Variants in MYO15A observed in about 807,000 individuals in gnomAD.
MYO15A encodes myosin XVA, also known as unconventional myosin-XV.
In MYO15A, 308 loss-of-function variants were observed where a neutral mutation model predicts 394.6. The ratio of observed to expected loss-of-function variants is 0.78; its 90% CI spans 0.71 to 0.86. The LOEUF (loss-of-function observed/expected upper bound fraction) is 0.86. MYO15A is among the 40% of genes least tolerant of loss of function. The probability of loss-of-function intolerance (pLI) is 0.00; values close to 1 mark genes in which losing one functional copy is unlikely to be tolerated. For missense variants in MYO15A, 4,606 were observed against 4,799.1 expected (o/e 0.96, Z 1.19); for synonymous variants, 1,957 against 2,003.8 (o/e 0.98, Z 0.62).
rs377316809 is a variant in MYO15A at position 18,131,495 on chromosome 17, C to T, written c.4170C>T (p.Ser1390=). The change falls in exon 10 of 66, where the codon TCC becomes TCT. Residue 1390 remains serine, a synonymous_variant. Coordinates refer to ENST00000647165, the MANE Select transcript of MYO15A (RefSeq NM_016239.4). ...EGGVISGAIT[S]QYLLEKSRIV... is the part of the protein sequence containing the mutation. Reference sequence around the variant, plus strand: ...GCGTGATCTCTGGTGCCATAACCTCCCAGTACCTGCTTGAGAAATCCAGGA... The same window carrying T: ...GCGTGATCTCTGGTGCCATAACCTCTCAGTACCTGCTTGAGAAATCCAGGA... The T allele has an allele frequency of 1.9e-6, 3 of 1,613,874 alleles. No individual in the cohort carries two copies. Among genetic ancestry groups the T allele is most frequent in the Middle Eastern group, 3.3e-4 (2 of 6,084 alleles).
intron 62 of MYO15A, among the ~76,000 whole-genome samples, chr17:18,169,157 T>TAATAAAAA (rs369888022): frequency 2.2e-5 from 2 of 92,132 alleles, no homozygotes; most frequent in African/African-American, 8.3e-5. Context: ...ATAATAATAA[T>TAATAAAAA]AAAAATAGGC....
In MYO15A at chr17:18,138,137, T is replaced by G; in HGVS notation, c.4898T>G (p.Ile1633Arg). The change falls in exon 17 of 66, where the codon ATA becomes AGA. Residue 1633 changes from isoleucine to arginine, a missense_variant. This residue lies in a region of MYO15A where 2,776 missense variants were observed against 3,109.3 expected (regional missense o/e 0.89). Transcript: ENST00000647165. ...CAGGAGGAGTACATCCGTGAGCAGA[T>G]AGACTGGCAGGAGATCACCTTTGCT... ...EEQEEYIREQ[I>R]DWQEITFADN... 1 of 1,612,930 alleles carries G rather than the reference T, an allele frequency of 6.2e-7. No individual in the cohort carries two copies.
At chr17:18,152,552 C>T (rs1193873155) in intron 42 of MYO15A, among the ~76,000 whole-genome samples, 1 of 152,194 alleles carries the variant, frequency 6.6e-6, no homozygotes, top group African/African-American at 2.4e-5. Flanking sequence ...CTAACCTCTA[C>T]ACCCTTTGTC....
chr17:18,160,011 C>G lies in MYO15A; in HGVS notation c.9380C>G (p.Ser3127Cys), dbSNP rs376759267. The G allele has an allele frequency of 5.1e-5, 82 of 1,611,208 alleles. No individual in the cohort carries two copies. Among genetic ancestry groups the G allele is most frequent in the Non-Finnish European group, 6.7e-5 (79 of 1,179,976 alleles). Residue 3127 changes from serine (S) to cysteine (C), a missense_variant, in exon 56 of 66, where the codon TCC (serine) becomes TGC (cysteine). Physicochemically the swap from Ser to Cys is moderately radical, Grantham distance 112. Transcript: ENST00000647165. Reference sequence around the variant, plus strand: ...AAGCAGATCACAGACAATACCAGCTCCAAGCAGTGAGTGAACTGGACTTTA... The same window carrying G: ...AAGCAGATCACAGACAATACCAGCTGCAAGCAGTGAGTGAACTGGACTTTA... ...VVKQITDNTS[S>C]KQDSCQRGWR...
rs1485533234 is a variant in MYO15A, at chr17:18,126,455, C to T, written c.3865C>T (p.Pro1289Ser). ...CGGACGGGCCCTGGGAGAGAATCCC[C>T]CGTGAGTGTCTCGGGGGCGCTGCCC... ...YNGRALGENP[P>S]HLFAVANLAF... is the part of the protein sequence containing the mutation. Residue 1289 changes from proline (P) to serine (S), a missense_variant and splice_region_variant, in exon 5 of 66, where the codon CCG becomes TCG. This residue lies in a region of MYO15A where 2,776 missense variants were observed against 3,109.3 expected (regional missense o/e 0.89). Transcript: ENST00000647165. 1.2e-6 allele frequency: 2 copies of T among 1,613,552 alleles called. No individual in the cohort carries two copies. The highest frequency in any genetic ancestry group is 2.7e-5 in the African/African-American group (2 of 74,878).
rs1445082095 is a variant in MYO15A, at chr17:18,153,930, G to C, written c.8088+34G>C. On this transcript the variant is annotated intron_variant, in intron 43 of 65. Transcript: ENST00000647165. This position sits in a 1 kb window ranked among gnomAD's most constrained non-coding sequence, Gnocchi z 4.1. Reference sequence around the variant, plus strand: ...CACAGCCGTAGCCAGGGGAGGGGCTGAAGCGGGGCAGGGGAGGGGCTGAAG... The same window carrying C: ...CACAGCCGTAGCCAGGGGAGGGGCTCAAGCGGGGCAGGGGAGGGGCTGAAG... 1 of 1,612,844 alleles carries C rather than the reference G, an allele frequency of 6.2e-7. No homozygotes were observed. The highest frequency in any genetic ancestry group is 1.7e-5 in the Admixed American group (1 of 59,992).
At position 18,158,417 on chromosome 17, in the gene MYO15A, T is replaced by C. The variant is rs953286659; in HGVS notation, c.8968-106T>C. 7 of 988,646 alleles carry C rather than the reference T, an allele frequency of 7.1e-6. No homozygotes were observed. The African/African-American group carries it at 1.1e-4, about 16-fold the overall frequency. The allele number at this position is 988,646 out of a possible 1,614,324, so 61.2% of individuals were successfully genotyped here. A position where few individuals can be genotyped will look rare whatever the true frequency, so the allele number is the denominator to read the frequency against. Reference sequence around the variant, plus strand: ...CCACAGGGATGGGTGGGTGGGCGGCTTGAGAATCTGGGTCCAGTCAGCTAG... The same window carrying C: ...CCACAGGGATGGGTGGGTGGGCGGCCTGAGAATCTGGGTCCAGTCAGCTAG... On this transcript the variant is annotated intron_variant, in intron 51 of 65. Coordinates refer to ENST00000647165, the MANE Select transcript of MYO15A (RefSeq NM_016239.4).
intron 7 of MYO15A, among the ~76,000 whole-genome samples, chr17:18,130,163 G>A (rs1422610785): frequency 6.6e-6 from 1 of 152,194 alleles, no homozygotes; most frequent in Admixed American, 6.5e-5. Context: ...ACAGGCGTGA[G>A]CCACCATGCC....
At chr17:18,169,970 CAAAAA>C (rs202026399) in intron 62 of MYO15A, among the ~76,000 whole-genome samples, 3 of 59,778 alleles carry the variant, frequency 5.0e-5, no homozygotes, top group South Asian at 4.9e-4. Flanking sequence ...GACCCTGTCT[CAAAAA>C]AAAAAAAAAA....
intron 16 of MYO15A, 70 bp downstream of exon 16, chr17:18,137,749 G>A (rs912836115): frequency 1.2e-5 from 18 of 1,507,100 alleles, no homozygotes; most frequent in Non-Finnish European, 1.6e-5. Context: ...AGACAGATGA[G>A]GATATACTGG....
intron 45 of MYO15A, among the ~76,000 whole-genome samples, 176 bp from the exon 46 acceptor site, chr17:18,154,934 C>T (rs1032294699): frequency 6.6e-6 from 1 of 152,224 alleles, no homozygotes; most frequent in African/African-American, 2.4e-5. Context: ...GTTGGCAATG[C>T]CTGACACACT....
At chr17:18,141,287 T>A in intron 22 of MYO15A, 144 bp downstream of exon 22, 2 of 1,236,202 alleles carry the variant, frequency 1.6e-6, no homozygotes, top group Non-Finnish European at 2.3e-6. Flanking sequence ...ACATGCTAAC[T>A]GTTAATGTGG....
At chr17:18,178,501 T>C in intron 65 of MYO15A, 9 of 586,636 alleles carry the variant, frequency 1.5e-5, no homozygotes, top group South Asian at 1.4e-4. Context: ...GGTGAAGCGA[T>C]AGACCCTGGG....
At chr17:18,131,195 C>G in intron 8 of MYO15A, 44 bp from the exon 9 acceptor site, 1 of 1,547,572 alleles carries the variant, frequency 6.5e-7, no homozygotes, top group Non-Finnish European at 8.9e-7. Context: ...GCCCCCAGAA[C>G]AGTGCCTAGC....
At chr17:18,127,834 G>GATAC (rs144238362) in intron 7 of MYO15A, among the ~76,000 whole-genome samples, 1 of 131,082 alleles carries the variant, frequency 7.6e-6, no homozygotes, top group Non-Finnish European at 1.6e-5. Flanking sequence ...GAAAAAAAAA[G>GATAC]ATATATATAT....
In MYO15A at chr17:18,153,706, T is replaced by C. The variant is rs2046624602; in HGVS notation, c.7967-69T>C. The C allele has an allele frequency of 5.0e-6, 7 of 1,390,104 alleles. No homozygotes were observed. The highest frequency in any genetic ancestry group is 6.6e-6 in the Non-Finnish European group (7 of 1,058,038). The allele number at this position is 1,390,104 out of a possible 1,614,324, so 86.1% of individuals were successfully genotyped here. A position where few individuals can be genotyped will look rare whatever the true frequency, so the allele number is the denominator to read the frequency against. On this transcript the variant is annotated intron_variant, in intron 42 of 65. Coordinates refer to ENST00000647165, the MANE Select transcript of MYO15A (RefSeq NM_016239.4). This position sits in a 1 kb window ranked among gnomAD's most constrained non-coding sequence, Gnocchi z 4.1. ...ACAGCGAAACTCCGTCTCAAAAATATATATATATATTAATTAAATAAAAAA... is the reference window on the plus strand; with the variant it reads ...ACAGCGAAACTCCGTCTCAAAAATACATATATATATTAATTAAATAAAAAA...
intron 6 of MYO15A, 97 bp from the exon 7 acceptor site, chr17:18,126,978 C>A: frequency 1.3e-6 from 2 of 1,595,494 alleles, no homozygotes; most frequent in Non-Finnish European, 1.7e-6. Flanking sequence ...TCTGGGTTGG[C>A]CCACCGTACA....
Position 18,148,786 on chromosome 17 carries a change from T to C in MYO15A, c.6790T>C (p.Trp2264Arg). The C allele has an allele frequency of 6.2e-7, 1 of 1,602,882 alleles. No individual in the cohort carries two copies. Among genetic ancestry groups the C allele is most frequent in the Non-Finnish European group, 8.5e-7 (1 of 1,174,524 alleles). The change falls in exon 33 of 66, where the codon TGG (tryptophan) becomes CGG (arginine). Residue 2264 changes from tryptophan to arginine, a missense_variant. By Grantham distance (101) the Trp-to-Arg change is moderately radical. This residue lies in a region of MYO15A where 2,776 missense variants were observed against 3,109.3 expected (regional missense o/e 0.89). Coordinates refer to ENST00000647165, the MANE Select transcript of MYO15A (RefSeq NM_016239.4). The surrounding 1 kb of genome is among the most constrained non-coding windows in gnomAD (Gnocchi z 4.8). ...GGGGCTGGCAGATGGCTGGCGCGGC[T>C]GGACCGTGGCCATGAAGAATGGTGT... ...HRGLADGWRGWTVAMKNGVQW... is the reference protein window; with the variant it reads ...HRGLADGWRGRTVAMKNGVQW...
rs369525435 is a variant in MYO15A, at chr17:18,155,534, G to T, written c.8459+102G>T. On this transcript the variant is annotated intron_variant, in intron 47 of 65. Coordinates refer to ENST00000647165, the MANE Select transcript of MYO15A (RefSeq NM_016239.4). ...GCCACTTACCAAGTACCCATGATGC[G>T]CCAGGCTCTGTGCCAAGCCATTGAA... 38 of 1,111,834 alleles carry T rather than the reference G, an allele frequency of 3.4e-5. No individual in the cohort carries two copies. In the East Asian group the frequency reaches 5.7e-4, roughly 17 times the overall value. 68.9% of individuals were successfully genotyped at this position (1,111,834 alleles called of 1,614,324 possible). A position where few individuals can be genotyped will look rare whatever the true frequency, so the allele number is the denominator to read the frequency against.
Sources: gnomAD v4.1 joint callset for allele counts (sites outside exome capture counted in the v4.1 genomes callset) on GRCh38, gnomAD v4.1.1 for gene constraint, gnomAD v4.1.1 regional missense constraint, Gnocchi (gnomAD v3.1) non-coding constraint, MANE v1.5 for transcripts, NCBI Gene and HGNC (gene_info 2026-07-23, HGNC 2026-07-21) for gene names.